LY96: variants seen among roughly 807,000 people sequenced by gnomAD.
LY96 encodes the protein myeloid differentiation protein-2.
LY96 carries 18 observed loss-of-function variants against 18.9 expected under a neutral mutation model. The ratio of observed to expected loss-of-function variants is 0.95; its 90% CI spans 0.66 to 1.41. The LOEUF (loss-of-function observed/expected upper bound fraction) is 1.41. Ranked by LOEUF, LY96 falls within the 40% of genes most tolerant of loss-of-function variation. The pLI, the probability that LY96 is intolerant of heterozygous loss-of-function variation, is 0.00. For synonymous variants in LY96, 66 were observed against 62.6 expected, an observed-to-expected ratio of 1.06 and a Z score of -0.26; for missense variants, 175 against 182.4, an observed-to-expected ratio of 0.96 and a Z score of 0.23.
the LY96 span, among the ~76,000 whole-genome samples, chr8:74,069,025 A>G: frequency 6.6e-6 from 1 of 152,172 alleles, no homozygotes; most frequent in African/African-American, 2.4e-5. Context: ...ACCTCAAGTG[A>G]TCTGCCTGCC....
chr8:73,992,694 A>G (rs1267172392), intron 1 of LY96, among the ~76,000 whole-genome samples: 1 of 151,986 alleles, frequency 6.6e-6, no homozygotes, highest in Admixed American at 6.6e-5. Context: ...GTTGCACTGA[A>G]TTCCCTCCAA....
At chr8:74,027,970 GT>G (rs1816903305) in intron 4 of LY96, among the ~76,000 whole-genome samples, 1 of 152,144 alleles carries the variant, frequency 6.6e-6, no homozygotes, top group Non-Finnish European at 1.5e-5. Flanking sequence ...AGCCTGGGGA[GT>G]TTCTTCGGAC....
At chr8:74,039,843 C>A in the LY96 span, among the ~76,000 whole-genome samples, 3 of 152,318 alleles carry the variant, frequency 2.0e-5, no homozygotes, top group Admixed American at 6.5e-5. Flanking sequence ...ACTATTGAAG[C>A]ACAGCACCAC....
chr8:74,001,173 G>T (rs1193699492), intron 1 of LY96, among the ~76,000 whole-genome samples: 1 of 151,356 alleles, frequency 6.6e-6, no homozygotes, highest in Non-Finnish European at 1.5e-5. Flanking sequence ...TACACTTTAG[G>T]AGTTGGAGAC....
chr8:74,084,967 C>T, the LY96 span, among the ~76,000 whole-genome samples: 31 of 152,196 alleles, frequency 2.0e-4, no homozygotes, highest in Non-Finnish European at 3.8e-4. Flanking sequence ...GAATTGCAGA[C>T]TCATTCACAC....
chr8:74,057,540 AG>A, the LY96 span, among the ~76,000 whole-genome samples: 15 of 152,330 alleles, frequency 9.8e-5, no homozygotes, highest in Admixed American at 6.5e-4. Flanking sequence ...CAGCTCTCAG[AG>A]GCTCTTCAAA....
chr8:74,024,952 C>T (rs1481007572), intron 3 of LY96, among the ~76,000 whole-genome samples: 1 of 152,152 alleles, frequency 6.6e-6, no homozygotes, highest in African/African-American at 2.4e-5. Context: ...CCTAGCCTCT[C>T]GAGTAACTGG....
intron 4 of LY96, among the ~76,000 whole-genome samples, chr8:74,027,596 G>A (rs376008406): frequency 3.3e-5 from 5 of 152,114 alleles, no homozygotes; most frequent in African/African-American, 4.8e-5. Flanking sequence ...GCCATTTCTC[G>A]CAGCCCAATA....
At chr8:74,028,573 T>C (rs1017096060) in intron 4 of LY96, among the ~76,000 whole-genome samples, 1 of 152,224 alleles carries the variant, frequency 6.6e-6, no homozygotes, top group African/African-American at 2.4e-5. Context: ...AAATAATTGC[T>C]GCCTCAATGA....
the LY96 span, among the ~76,000 whole-genome samples, chr8:74,098,748 A>G: frequency 6.6e-6 from 1 of 152,234 alleles, no homozygotes; most frequent in African/African-American, 2.4e-5. Flanking sequence ...CAGCTGGTCT[A>G]TTATTAGCCC....
At chr8:74,004,358 G>C (rs1383596282) in intron 1 of LY96, among the ~76,000 whole-genome samples, 1 of 152,144 alleles carries the variant, frequency 6.6e-6, no homozygotes, top group African/African-American at 2.4e-5. Context: ...GAAAAAGTTG[G>C]TGTTCTGGAC....
chr8:74,081,091 T>C, the LY96 span, among the ~76,000 whole-genome samples: 16 of 113,342 alleles, frequency 1.4e-4, no homozygotes, highest in South Asian at 1.8e-3. Flanking sequence ...CTTTCTCTCT[T>C]TCTTTCTTTC....
At chr8:74,092,894 C>T in the LY96 span, among the ~76,000 whole-genome samples, 1 of 152,170 alleles carries the variant, frequency 6.6e-6, no homozygotes, top group Non-Finnish European at 1.5e-5. Context: ...TTTTCTCTCC[C>T]TGTTTCAATC....
chr8:74,046,538 GTTTTTTCAAAACAGAATATAAA>G, the LY96 span, among the ~76,000 whole-genome samples: 1 of 152,058 alleles, frequency 6.6e-6, no homozygotes, highest in Non-Finnish European at 1.5e-5. Context: ...ACTCTTCTGT[GTTTTTTCAAAACAGAATATAAA>G]TATGCCCACC....
chr8:74,019,508 C>T (rs1331402350), intron 3 of LY96, among the ~76,000 whole-genome samples: 1 of 152,184 alleles, frequency 6.6e-6, no homozygotes, highest in East Asian at 1.9e-4. Flanking sequence ...GGAGATGGTA[C>T]CATTTCTTCT....
At chr8:74,093,906 T>C in the LY96 span, among the ~76,000 whole-genome samples, 20 of 152,342 alleles carry the variant, frequency 1.3e-4, 1 homozygote, top group Admixed American at 1.2e-3. Flanking sequence ...GCACAGATTC[T>C]AATTATTTCT....
the LY96 span, among the ~76,000 whole-genome samples, chr8:74,041,333 A>G: frequency 6.6e-6 from 1 of 152,226 alleles, no homozygotes; most frequent in Non-Finnish European, 1.5e-5. Flanking sequence ...TGTTAACTGT[A>G]CAAATTGATT....
the LY96 span, among the ~76,000 whole-genome samples, chr8:74,058,531 T>C: frequency 6.6e-6 from 1 of 151,812 alleles, no homozygotes; most frequent in Non-Finnish European, 1.5e-5. Context: ...TTCTTTTTTT[T>C]TTTTTTTGGA....
Position 74,008,426 on chromosome 8 carries a change from A to G in LY96, c.203-1575A>G, listed in dbSNP as rs77280375. 2.8e-4 allele frequency among the ~76,000 whole-genome samples: 42 copies of G among 152,310 alleles called. No individual in the cohort carries two copies. The East Asian group carries it at 7.5e-3, about 27-fold the overall frequency. On this transcript the variant is annotated intron_variant, in intron 2 of 4. Transcript: ENST00000284818. ...TTTGGAGAAGTTCAAGCCCAAGTCC[A>G]TGGAGTAGGCCATGGGATCACTGTT...
Sources: allele counts gnomAD v4.1 joint callset (sites outside exome capture counted in the v4.1 genomes callset), GRCh38; gene constraint gnomAD v4.1.1; transcripts MANE v1.5; gene names NCBI Gene and HGNC (gene_info 2026-07-23, HGNC 2026-07-21).